JHY: variants seen among roughly 807,000 people sequenced by gnomAD.
The protein encoded by JHY is jhy protein homolog.
A neutral mutation model predicts 78.0 loss-of-function variants in JHY; 69 were observed. The ratio of observed to expected loss-of-function variants is 0.88; its 90% confidence interval spans 0.73 to 1.08. JHY has a LOEUF of 1.08. JHY is among the 50% of genes least tolerant of loss of function. The pLI, the probability that JHY is intolerant of heterozygous loss-of-function variation, is 0.00. For missense variants in JHY, 944 were observed against 927.8 expected, an observed-to-expected ratio of 1.02 and a Z score of -0.23; for synonymous variants, 368 against 342.6, an observed-to-expected ratio of 1.07 and a Z score of -0.82.
chr11:122,949,480 A>G (rs1864039430), intron 6 of JHY, among the ~76,000 whole-genome samples: 1 of 152,280 alleles, frequency 6.6e-6, no homozygotes, highest in Non-Finnish European at 1.5e-5. Flanking sequence ...CTCAAAGAGA[A>G]AGTGAAACTG....
chr11:122,886,285 C>CT, intron 2 of JHY, 92 bp downstream of exon 2: 7 of 1,238,154 alleles, frequency 5.7e-6, no homozygotes, highest in Non-Finnish European at 7.8e-6. Flanking sequence ...TAAGGGCAAG[C>CT]TGCCCTAATG....
chr11:122,897,420 A>G (rs3134406), intron 2 of JHY, among the ~76,000 whole-genome samples: 145,453 of 152,120 alleles, frequency 0.96, 69,586 homozygotes, highest in Middle Eastern at 0.99. Context: ...TGTAGAGACG[A>G]GGGGTTTCTC....
chr11:122,948,057 G>A (rs966500069), intron 6 of JHY, among the ~76,000 whole-genome samples: 1 of 152,172 alleles, frequency 6.6e-6, no homozygotes, highest in Non-Finnish European at 1.5e-5. Context: ...AGCGTCTGGA[G>A]AAATGAGTGC....
chr11:122,916,441 G>A (rs117935380), intron 3 of JHY, among the ~76,000 whole-genome samples: 2 of 152,084 alleles, frequency 1.3e-5, no homozygotes, highest in East Asian at 1.9e-4. Context: ...TTTTACCAAG[G>A]GGCCAAGGTC....
At chr11:122,913,369 G>A (rs1186019061) in intron 3 of JHY, among the ~76,000 whole-genome samples, 1 of 152,190 alleles carries the variant, frequency 6.6e-6, no homozygotes, top group Non-Finnish European at 1.5e-5. Context: ...TAGTTTTGAA[G>A]TACAATTTCA....
intron 6 of JHY, among the ~76,000 whole-genome samples, chr11:122,948,468 A>AATAATAATAATAATAATC (rs1288489788): frequency 1.9e-4 from 28 of 148,366 alleles, no homozygotes; most frequent in African/African-American, 6.5e-4. Context: ...TAATAATAAT[A>AATAATAATAATAATAATC]ATAATAATAA....
At position 122,934,599 on chromosome 11, in the gene JHY, C is replaced by G; in HGVS notation, c.1158C>G (p.Ala386=). 6.2e-7 allele frequency: 1 copy of G among 1,614,122 alleles called. No homozygotes were observed. The highest frequency in any genetic ancestry group is 8.5e-7 in the Non-Finnish European group (1 of 1,180,028). ...LKSSTTEEVT[A]SQGNQNNPPR... is the part of the protein sequence containing the mutation. ...CTTCCACAACGGAAGAGGTGACTGC[C>G]AGTCAGGGGAACCAGAATAACCCTC... The change falls in exon 5 of 9, where the codon GCC becomes GCG. Residue 386 remains alanine (A), a synonymous_variant. Transcript: ENST00000227349.
At chr11:122,958,829 G>A in intron 8 of JHY, 1 of 985,156 alleles carries the variant, frequency 1.0e-6, no homozygotes, top group Non-Finnish European at 1.2e-6. Flanking sequence ...TCAAGTGTAT[G>A]TAAACTACAG....
At chr11:122,925,543 T>C (rs555168297) in intron 4 of JHY, among the ~76,000 whole-genome samples, 2 of 152,300 alleles carry the variant, frequency 1.3e-5, no homozygotes, top group East Asian at 3.9e-4. Flanking sequence ...TAAATGTGAT[T>C]TCAGGGAAGA....
chr11:122,891,267 C>T (rs1210188562), intron 2 of JHY, among the ~76,000 whole-genome samples: 2 of 152,170 alleles, frequency 1.3e-5, no homozygotes, highest in Admixed American at 6.5e-5. Flanking sequence ...TTGAGTCCTA[C>T]ACTTGTGTTT....
chr11:122,942,266 G>A (rs1863889521), intron 5 of JHY, among the ~76,000 whole-genome samples: 1 of 152,120 alleles, frequency 6.6e-6, no homozygotes, highest in Admixed American at 6.5e-5. Flanking sequence ...TTCTTGATCA[G>A]CCTTGCAAAA....
At chr11:122,899,731 A>C (rs1862808376) in intron 2 of JHY, among the ~76,000 whole-genome samples, 2 of 152,240 alleles carry the variant, frequency 1.3e-5, no homozygotes, top group African/African-American at 4.8e-5. Flanking sequence ...AACATAGAGC[A>C]CTTTAAGACA....
chr11:122,951,678 G>C (rs1414094601), intron 6 of JHY, among the ~76,000 whole-genome samples: 1 of 152,180 alleles, frequency 6.6e-6, no homozygotes, highest in African/African-American at 2.4e-5. Flanking sequence ...GGGGCACACT[G>C]TGTCCCAAGT....
At position 122,935,069 on chromosome 11, in the gene JHY, T is replaced by C. The variant is rs764375952; in HGVS notation, c.1628T>C (p.Met543Thr). ...YTETKYRNLE[M>T]LWKFHSSSDS... ...GAGACAAAATACAGGAACTTAGAAA[T>C]GTTATGGTAAGAATTCCCTTTTCTC... The change falls in exon 5 of 9, where the codon ATG becomes ACG. Residue 543 changes from methionine to threonine, a missense_variant. Coordinates refer to ENST00000227349, the MANE Select transcript of JHY (RefSeq NM_024806.4). This position sits in a 1 kb window ranked among gnomAD's most constrained non-coding sequence, Gnocchi z 4.5. 5 of 1,563,820 alleles carry C rather than the reference T, an allele frequency of 3.2e-6. No individual in the cohort carries two copies. Among genetic ancestry groups the C allele is most frequent in the Non-Finnish European group, 3.5e-6 (4 of 1,158,528 alleles).
chr11:122,904,182 A>T lies in JHY; in HGVS notation c.602A>T (p.Glu201Val), dbSNP rs768566613. 1 of 1,614,166 alleles carries T rather than the reference A, an allele frequency of 6.2e-7. No individual in the cohort carries two copies. The highest frequency in any genetic ancestry group is 1.7e-5 in the Admixed American group (1 of 60,012). The change falls in exon 3 of 9, where the codon GAG becomes GTG. Residue 201 changes from glutamate to valine, a missense_variant. Coordinates refer to ENST00000227349, the MANE Select transcript of JHY (RefSeq NM_024806.4). ...AGTGAATTTTTAAGCCCAAACTATGAGCATGGTGCCCGTCGCAGCAAGCCG... is the reference window on the plus strand; with the variant it reads ...AGTGAATTTTTAAGCCCAAACTATGTGCATGGTGCCCGTCGCAGCAAGCCG... ...LGSEFLSPNY[E>V]HGARRSKPFS...
intron 2 of JHY, among the ~76,000 whole-genome samples, chr11:122,899,450 G>T (rs1314288267): frequency 6.6e-6 from 1 of 152,102 alleles, no homozygotes; most frequent in Admixed American, 6.5e-5. Flanking sequence ...CCCTAATTTG[G>T]TCTAATGCAA....
chr11:122,886,787 A>G (rs190651588), intron 2 of JHY, among the ~76,000 whole-genome samples: 1 of 152,224 alleles, frequency 6.6e-6, no homozygotes. Flanking sequence ...CTCGTCTGTC[A>G]AATAACCTGA....
rs543767259 is a variant in JHY at position 122,947,913 on chromosome 11, C to T, written c.1929+1121C>T. Among the ~76,000 whole-genome samples, 7 of 152,226 alleles carry T rather than the reference C, an allele frequency of 4.6e-5. No individual in the cohort carries two copies. The South Asian group carries it at 1.5e-3, about 32-fold the overall frequency. ...AAGGCAAGGGACCCAGGCTTTTGTT[C>T]TCCCATACCAACCTGCCATTGGATA... On this transcript the variant is annotated intron_variant, in intron 6 of 8. Coordinates refer to ENST00000227349, the MANE Select transcript of JHY (RefSeq NM_024806.4).
intron 3 of JHY, among the ~76,000 whole-genome samples, chr11:122,920,590 A>G (rs1863340591): frequency 6.6e-6 from 1 of 152,162 alleles, no homozygotes; most frequent in Non-Finnish European, 1.5e-5. Context: ...ATTCTCTAAG[A>G]ACCTGATGAG....
Sources: gnomAD v4.1 joint callset for allele counts (sites outside exome capture counted in the v4.1 genomes callset) on GRCh38, gnomAD v4.1.1 for gene constraint, Gnocchi (gnomAD v3.1) non-coding constraint, MANE v1.5 for transcripts, NCBI Gene and HGNC (gene_info 2026-07-23, HGNC 2026-07-21) for gene names.